The following RYR2 variants were observed in gnomAD, a reference collection of about 807,000 sequenced individuals.
RYR2 encodes ryanodine receptor 2.
A neutral mutation model predicts 601.1 loss-of-function variants in RYR2; 227 were observed. The observed-to-expected ratio is 0.38, with a 90% confidence interval of 0.34 to 0.42. RYR2 has a LOEUF of 0.42. Among genes scored for constraint, RYR2 ranks in the 10% least tolerant of loss-of-function variants. The pLI is 1.00. For missense variants in RYR2, 4,646 were observed against 6,156.5 expected, an observed-to-expected ratio of 0.75 and a Z score of 8.21; for synonymous variants, 2,223 against 2,175.1, an observed-to-expected ratio of 1.02 and a Z score of -0.61.
intron 1 of RYR2, among the ~76,000 whole-genome samples, chr1:237,122,043 G>A (rs964086904): frequency 9.8e-5 from 15 of 152,296 alleles, no homozygotes; most frequent in Admixed American, 8.5e-4. Flanking sequence ...CCTGTTTTGG[G>A]CTCAACATTT....
At chr1:237,430,946 A>G (rs1706745889) in intron 12 of RYR2, among the ~76,000 whole-genome samples, 2 of 152,134 alleles carry the variant, frequency 1.3e-5, no homozygotes, top group South Asian at 2.1e-4. Flanking sequence ...GAATTTGGCA[A>G]TTGTGTAATG....
intron 1 of RYR2, among the ~76,000 whole-genome samples, chr1:237,173,173 C>G (rs377696537): frequency 1.3e-5 from 2 of 148,362 alleles, no homozygotes; most frequent in East Asian, 3.9e-4. Context: ...ACAAACTACT[C>G]TTTTTTTTTT....
chr1:237,200,527 C>T (rs529546577), intron 1 of RYR2, among the ~76,000 whole-genome samples: 142 of 152,240 alleles, frequency 9.3e-4, no homozygotes, highest in South Asian at 3.7e-3. Flanking sequence ...GGCCCTCCAA[C>T]GTGCTGGGAT....
At chr1:237,673,432 T>G (rs1371146822) in intron 58 of RYR2, among the ~76,000 whole-genome samples, 2 of 152,176 alleles carry the variant, frequency 1.3e-5, no homozygotes, top group African/African-American at 4.8e-5. Flanking sequence ...AATTTTTAAA[T>G]CTGAAAGAAA....
intron 2 of RYR2, among the ~76,000 whole-genome samples, chr1:237,311,008 C>T (rs983355015): frequency 1.3e-5 from 2 of 152,070 alleles, no homozygotes; most frequent in East Asian, 1.9e-4. Flanking sequence ...ATAAACTTCC[C>T]GATGAAGTTA....
At chr1:237,599,456 ATTTC>A (rs1676249853) in intron 34 of RYR2, among the ~76,000 whole-genome samples, 1 of 151,950 alleles carries the variant, frequency 6.6e-6, no homozygotes, top group East Asian at 1.9e-4. Flanking sequence ...AAAAATCAGT[ATTTC>A]TTTGCACTAG....
intron 101 of RYR2, among the ~76,000 whole-genome samples, chr1:237,827,936 C>CAAAAAAAAA (rs58421624): frequency 1.4e-5 from 1 of 69,292 alleles, no homozygotes; most frequent in Non-Finnish European, 3.0e-5. Context: ...GACTCCGTCT[C>CAAAAAAAAA]AAAAAAAAAA....
intron 1 of RYR2, among the ~76,000 whole-genome samples, chr1:237,211,499 T>C (rs1682567520): frequency 6.6e-6 from 1 of 152,228 alleles, no homozygotes; most frequent in Non-Finnish European, 1.5e-5. Flanking sequence ...GCTGGAGTTT[T>C]CCCAGCTAGT....
At chr1:237,173,175 T>C (rs552024491) in intron 1 of RYR2, among the ~76,000 whole-genome samples, 2 of 149,564 alleles carry the variant, frequency 1.3e-5, no homozygotes, top group South Asian at 2.1e-4. Context: ...AAACTACTCT[T>C]TTTTTTTTTT....
At chr1:237,330,269 C>T (rs1455925563) in intron 2 of RYR2, among the ~76,000 whole-genome samples, 1 of 152,190 alleles carries the variant, frequency 6.6e-6, no homozygotes, top group East Asian at 1.9e-4. Context: ...TATAGATGAC[C>T]ACAGGAATTA....
chr1:237,643,511 T>A (rs1018497879), intron 48 of RYR2, 64 bp downstream of exon 48: 3 of 1,601,346 alleles, frequency 1.9e-6, no homozygotes, highest in African/African-American at 2.7e-5. Context: ...TTCTAAAGAA[T>A]GTTTTCCGTA....
intron 73 of RYR2, among the ~76,000 whole-genome samples, chr1:237,722,302 A>C (rs1041830008): frequency 2.6e-5 from 4 of 152,080 alleles, no homozygotes; most frequent in Non-Finnish European, 2.9e-5. Flanking sequence ...GAGTATGATA[A>C]ATCTCACGGT....
intron 8 of RYR2, among the ~76,000 whole-genome samples, chr1:237,383,648 C>A (rs549722462): frequency 3.9e-5 from 6 of 151,942 alleles, no homozygotes; most frequent in Non-Finnish European, 8.8e-5. Context: ...CCAGGATGGT[C>A]TCGATCTCCT....
intron 2 of RYR2, among the ~76,000 whole-genome samples, chr1:237,324,143 G>A (rs1177257237): frequency 6.6e-6 from 1 of 152,176 alleles, no homozygotes; most frequent in African/African-American, 2.4e-5. Context: ...ATTTTTCTTA[G>A]ATCTTGCCTG....
chr1:237,421,768 T>C (rs1430848079), intron 11 of RYR2, among the ~76,000 whole-genome samples: 1 of 152,206 alleles, frequency 6.6e-6, no homozygotes, highest in Non-Finnish European at 1.5e-5. Context: ...TCATCCAGTG[T>C]AAACTGTCTT....
intron 17 of RYR2, among the ~76,000 whole-genome samples, chr1:237,478,434 T>C (rs1661648150): frequency 6.6e-6 from 1 of 152,212 alleles, no homozygotes. Context: ...ATTAAATGTA[T>C]AAAAATACCA....
intron 1 of RYR2, among the ~76,000 whole-genome samples, chr1:237,259,944 C>G (rs1688361045): frequency 6.6e-6 from 1 of 152,186 alleles, no homozygotes; most frequent in East Asian, 1.9e-4. Flanking sequence ...AGATGCACAT[C>G]ATATGGATAT....
rs111447215 is a variant in RYR2, at chr1:237,770,248, A to G, written c.11477-559A>G. ...TTAGATTTCAGAAATCTTTCTTTTT[A>G]TTCAGTAGTCAACCTGATAACAAAG... On this transcript the variant is annotated intron_variant, in intron 84 of 104. Coordinates refer to ENST00000366574, the MANE Select transcript of RYR2 (RefSeq NM_001035.3). 3.0e-3 allele frequency among the ~76,000 whole-genome samples: 464 copies of G among 152,280 alleles called. 7 individuals carry two copies. Among genetic ancestry groups the G allele is most frequent in the Non-Finnish European group, 4.9e-3 (336 of 68,000 alleles).
rs1393653319 is a variant in RYR2 at position 237,423,153 on chromosome 1, A to G, written c.910A>G (p.Lys304Glu). 7 of 1,613,914 alleles carry G rather than the reference A, an allele frequency of 4.3e-6. No homozygotes were observed. The highest frequency in any genetic ancestry group is 5.9e-6 in the Non-Finnish European group (7 of 1,179,836). The stretch of plus-strand genomic sequence containing the variant: ...CCGACTACGCCATGTCACAACAGGA[A>G]AATACTTGAGTCTCATGGAAGACAA... ...PFRLRHVTTG[K>E]YLSLMEDKNL... Residue 304 changes from lysine to glutamate, a missense_variant, in exon 12 of 105, where the codon AAA becomes GAA. This residue lies in a region of RYR2 where 1,807 missense variants were observed against 2,088.1 expected (regional missense o/e 0.87). Coordinates refer to ENST00000366574, the MANE Select transcript of RYR2 (RefSeq NM_001035.3).
Sources: allele counts gnomAD v4.1 joint callset (sites outside exome capture counted in the v4.1 genomes callset), GRCh38; gene constraint gnomAD v4.1.1; regional missense constraint gnomAD v4.1.1; transcripts MANE v1.5; gene names NCBI Gene and HGNC (gene_info 2026-07-23, HGNC 2026-07-21).